LRRK1: variants seen among roughly 807,000 people sequenced by gnomAD.
LRRK1 encodes the protein leucine rich repeat kinase 1.
A neutral mutation model predicts 209.1 loss-of-function variants in LRRK1; 113 were observed. That is an observed-to-expected ratio of 0.54 (90% confidence interval 0.46 to 0.63). LRRK1 has a LOEUF of 0.63. Among genes scored for constraint, LRRK1 ranks in the 30% least tolerant of loss-of-function variants. LRRK1 has a pLI of 0.00. For missense variants in LRRK1, 2,284 were observed against 2,632.2 expected, an observed-to-expected ratio of 0.87 and a Z score of 2.89; for synonymous variants, 1,144 against 1,099.7, an observed-to-expected ratio of 1.04 and a Z score of -0.80.
At chr15:100,988,888 T>A in intron 5 of LRRK1, 75 bp downstream of exon 5, 1 of 1,229,620 alleles carries the variant, frequency 8.1e-7, no homozygotes. Flanking sequence ...GACTGTGTCT[T>A]TATTCTCACT....
intron 7 of LRRK1, 47 bp downstream of exon 7, chr15:101,009,110 C>T (rs758125704): frequency 9.3e-6 from 13 of 1,391,802 alleles, no homozygotes; most frequent in East Asian, 2.3e-5. Flanking sequence ...CCCGCTGTCA[C>T]CGTTGTGCTC....
chr15:101,070,277 C>T lies in LRRK1; in HGVS notation c.*1429C>T, dbSNP rs969245292. 1 of 148,556 alleles carries T rather than the reference C, an allele frequency of 6.7e-6. No individual in the cohort carries two copies. The highest frequency in any genetic ancestry group is 1.5e-5 in the Non-Finnish European group (1 of 67,526). 9.2% of individuals were successfully genotyped at this position (148,556 alleles called of 1,614,324 possible). ...TGGGTGGAGACGCTGCTCTGTCAGT[C>T]ACAGGCTTGGAAAAAGCGAGTCCCC... On this transcript the variant is annotated 3_prime_UTR_variant, in exon 34 of 34. Transcript: ENST00000388948.
intron 2 of LRRK1, among the ~76,000 whole-genome samples, chr15:100,968,574 T>A (rs989775704): frequency 1.3e-5 from 2 of 152,240 alleles, no homozygotes; most frequent in African/African-American, 4.8e-5. Flanking sequence ...ATTTCCCTGA[T>A]GACTAATGAC....
chr15:100,968,061 G>A (rs2030587981), intron 2 of LRRK1, among the ~76,000 whole-genome samples: 1 of 152,118 alleles, frequency 6.6e-6, no homozygotes, highest in Non-Finnish European at 1.5e-5. Context: ...CTACCATATG[G>A]CCACGATCCA....
intron 2 of LRRK1, among the ~76,000 whole-genome samples, chr15:100,972,154 G>A (rs2030926279): frequency 6.6e-6 from 1 of 151,750 alleles, no homozygotes; most frequent in Non-Finnish European, 1.5e-5. Context: ...GTAGAGACGG[G>A]GTTTCACCAT....
At chr15:100,978,244 G>A (rs573028923) in intron 3 of LRRK1, among the ~76,000 whole-genome samples, 146 of 152,272 alleles carry the variant, frequency 9.6e-4, no homozygotes, top group African/African-American at 3.4e-3. Flanking sequence ...GAGCCTCATG[G>A]ACATGTGAGG....
intron 15 of LRRK1, among the ~76,000 whole-genome samples, chr15:101,023,877 A>T (rs951757096): frequency 6.6e-6 from 1 of 152,214 alleles, no homozygotes; most frequent in Non-Finnish European, 1.5e-5. Flanking sequence ...GAGCAAATCT[A>T]GCTGACTCGA....
intron 12 of LRRK1, among the ~76,000 whole-genome samples, chr15:101,020,167 C>A (rs904403222): frequency 6.6e-5 from 10 of 152,250 alleles, no homozygotes; most frequent in Non-Finnish European, 1.3e-4. Context: ...TCTAGTAATT[C>A]CTTTCCCCAG....
chr15:100,939,024 T>C (rs776573376), intron 2 of LRRK1, among the ~76,000 whole-genome samples: 6 of 152,142 alleles, frequency 3.9e-5, no homozygotes, highest in African/African-American at 1.4e-4. Context: ...ACCCAGGAGA[T>C]GGACGTTACA....
At chr15:100,941,348 T>TTG (rs200747812) in intron 2 of LRRK1, among the ~76,000 whole-genome samples, 3,230 of 45,120 alleles carry the variant, frequency 0.072, 241 homozygotes, top group African/African-American at 0.11. Context: ...GTGTGTGTCT[T>TTG]TGTGTGTGTG....
At chr15:101,003,243 A>G (rs1393043519) in intron 6 of LRRK1, among the ~76,000 whole-genome samples, 1 of 152,216 alleles carries the variant, frequency 6.6e-6, no homozygotes, top group East Asian at 1.9e-4. Context: ...TCCGAGTGTC[A>G]ACATTTTTGC....
At chr15:101,044,716 C>A (rs1038222834) in intron 20 of LRRK1, among the ~76,000 whole-genome samples, 22 of 152,232 alleles carry the variant, frequency 1.4e-4, no homozygotes, top group African/African-American at 4.8e-4. Context: ...CACACTCCGA[C>A]AAGGAGAAGA....
chr15:100,969,340 C>T (rs2030706146), intron 2 of LRRK1, among the ~76,000 whole-genome samples: 1 of 151,964 alleles, frequency 6.6e-6, no homozygotes, highest in Non-Finnish European at 1.5e-5. Context: ...TTTTCCTTTC[C>T]TGGTTATTGT....
At chr15:100,941,341 T>C (rs1194084286) in intron 2 of LRRK1, among the ~76,000 whole-genome samples, 1 of 147,978 alleles carries the variant, frequency 6.8e-6, no homozygotes, top group African/African-American at 2.6e-5. Context: ...TGTCTCTGTG[T>C]GTGTCTTTGT....
At position 101,008,251 on chromosome 15, in the gene LRRK1, T is replaced by C. The variant is rs1444810808; in HGVS notation, c.763-586T>C. Among the ~76,000 whole-genome samples, 3 of 150,516 alleles carry C rather than the reference T, an allele frequency of 2.0e-5. No individual in the cohort carries two copies. In the East Asian group the frequency reaches 6.0e-4, roughly 30 times the overall value. Reference sequence around the variant, plus strand: ...TAAAGAGGTTGGTTTCCTAGGCAGGTCACTGTGGGTCGTGGGCCAGAGTTC... The same window carrying C: ...TAAAGAGGTTGGTTTCCTAGGCAGGCCACTGTGGGTCGTGGGCCAGAGTTC... On this transcript the variant is annotated intron_variant, in intron 6 of 33. Transcript: ENST00000388948.
In LRRK1 at chr15:100,919,685, C is replaced by G. The variant is rs1164954598; in HGVS notation, c.-123+234C>G. On this transcript the variant is annotated intron_variant, in intron 1 of 33. Coordinates refer to ENST00000388948, the MANE Select transcript of LRRK1 (RefSeq NM_024652.6). This position sits in a 1 kb window ranked among gnomAD's most constrained non-coding sequence, Gnocchi z 5.8. The stretch of plus-strand genomic sequence containing the variant: ...CCCCGGTCTCACGTCCCCGCTGCCT[C>G]CCGCCGCGCCCGGAGCCCAGCCAGC... Among the ~76,000 whole-genome samples the G allele has an allele frequency of 6.6e-5, 10 of 151,776 alleles. No homozygotes were observed. Among genetic ancestry groups the G allele is most frequent in the Non-Finnish European group, 2.9e-5 (2 of 67,876 alleles).
Position 100,919,626 on chromosome 15 carries a change from G to A in LRRK1, c.-123+175G>A, listed in dbSNP as rs2041983349. On this transcript the variant is annotated intron_variant, in intron 1 of 33. Transcript: ENST00000388948. The surrounding 1 kb of genome is among the most constrained non-coding windows in gnomAD (Gnocchi z 5.8). ...CACGGGGGGCCGTTGCGCAGGGGCC[G>A]CGGCCCGAGGGGCGCGGAGGGCGTG... Among the ~76,000 whole-genome samples, 3 of 150,316 alleles carry A rather than the reference G, an allele frequency of 2.0e-5. No homozygotes were observed. Among genetic ancestry groups the A allele is most frequent in the African/African-American group, 7.3e-5 (3 of 41,196 alleles).
chr15:101,008,817 T>C lies in LRRK1; in HGVS notation c.763-20T>C. On this transcript the variant is annotated intron_variant, in intron 6 of 33. Coordinates refer to ENST00000388948, the MANE Select transcript of LRRK1 (RefSeq NM_024652.6). ...TGAACTCACCCTCCACATGTGCTTT[T>C]CCTTTCTTTCCACCACCAGGCTCTC... 1 of 1,588,304 alleles carries C rather than the reference T, an allele frequency of 6.3e-7. No homozygotes were observed. The highest frequency in any genetic ancestry group is 2.2e-5 in the East Asian group (1 of 44,754).
intron 20 of LRRK1, among the ~76,000 whole-genome samples, chr15:101,039,298 G>C (rs1473810474): frequency 1.3e-5 from 2 of 152,104 alleles, no homozygotes; most frequent in Non-Finnish European, 2.9e-5. Flanking sequence ...ACGGTGGTTT[G>C]TTTTCAGTAT....
Sources: gnomAD v4.1 joint callset for allele counts (sites outside exome capture counted in the v4.1 genomes callset) on GRCh38, gnomAD v4.1.1 for gene constraint, Gnocchi (gnomAD v3.1) non-coding constraint, MANE v1.5 for transcripts, NCBI Gene and HGNC (gene_info 2026-07-23, HGNC 2026-07-21) for gene names.